Variants in USHBP1 observed in about 807,000 individuals in gnomAD.
The protein encoded by USHBP1 is USH1 protein network component harmonin binding protein 1, also known as harmonin-binding protein USHBP1.
Under a neutral mutation model 76.2 loss-of-function variants are expected in USHBP1, and 67 were observed. That is an observed-to-expected ratio of 0.88 (90% CI 0.72 to 1.08). The LOEUF is 1.08. Ranked by LOEUF, USHBP1 falls within the 50% of genes least tolerant of loss-of-function variation. The probability of loss-of-function intolerance (pLI) is 0.00; values close to 1 mark genes in which losing one functional copy is unlikely to be tolerated. For synonymous variants in USHBP1, 322 were observed against 362.2 expected (o/e 0.89, Z 1.26); for missense variants, 931 against 915.0 (o/e 1.02, Z -0.23).
At chr19:17,264,444 T>A (rs1456899321) in intron 1 of USHBP1, 97 bp from the exon 2 acceptor site, 15 of 955,902 alleles carry the variant, frequency 1.6e-5, no homozygotes, top group East Asian at 8.0e-5. Flanking sequence ...TGACTACCCC[T>A]CAGGAAGGGA....
rs187830721 is a variant in USHBP1, at chr19:17,253,928, C to A, written c.1692+1457G>T. Among the ~76,000 whole-genome samples, 1,093 of 150,584 alleles carry A rather than the reference C, an allele frequency of 7.3e-3. 18 individuals carry two copies. Among genetic ancestry groups the A allele is most frequent in the African/African-American group, 0.025 (1,031 of 41,032 alleles). Reference sequence around the variant, plus strand: ...AAAAAAAGAAAAAAAAAATTAAAGGCCAGGCGCTGTGGCTCATGGCTGTAA... The same window carrying A: ...AAAAAAAGAAAAAAAAAATTAAAGGACAGGCGCTGTGGCTCATGGCTGTAA... On this transcript the variant is annotated intron_variant, in intron 10 of 12. Transcript: ENST00000252597.
intron 8 of USHBP1, 86 bp from the exon 9 acceptor site, chr19:17,256,806 C>G: frequency 6.4e-7 from 1 of 1,572,144 alleles, no homozygotes; most frequent in East Asian, 2.2e-5. Context: ...GGTCCATCAC[C>G]TTCCATCTCA....
At chr19:17,260,170 T>C (rs765186683) in intron 4 of USHBP1, 148 bp from the exon 5 acceptor site, 182 of 1,111,240 alleles carry the variant, frequency 1.6e-4, no homozygotes, top group Non-Finnish European at 2.1e-4. Context: ...TCTCACTATC[T>C]GACCTTGGGA....
intron 7 of USHBP1, chr19:17,258,742 A>C: frequency 3.1e-6 from 1 of 323,720 alleles, no homozygotes; most frequent in Non-Finnish European, 5.9e-6. Context: ...AAAAAGAAAA[A>C]AAAATCCACT....
intron 4 of USHBP1, among the ~76,000 whole-genome samples, chr19:17,260,378 G>A (rs1221287082): frequency 6.6e-6 from 1 of 152,102 alleles, no homozygotes; most frequent in Admixed American, 6.5e-5. Context: ...TACCTAGGCT[G>A]GAGTGCAGTG....
chr19:17,253,767 G>A (rs575116205), intron 10 of USHBP1, among the ~76,000 whole-genome samples: 1 of 149,550 alleles, frequency 6.7e-6, no homozygotes, highest in East Asian at 2.0e-4. Flanking sequence ...GGTGGTGCAC[G>A]CCTGTAATTC....
At chr19:17,261,422 G>C (rs56902856) in intron 4 of USHBP1, among the ~76,000 whole-genome samples, 2 of 142,620 alleles carry the variant, frequency 1.4e-5, no homozygotes, top group African/African-American at 2.6e-5. Flanking sequence ...TGCAAGCTCC[G>C]CCTCCCGGGT....
At position 17,249,776 on chromosome 19, in the gene USHBP1, G is replaced by C. The variant is rs942574213; in HGVS notation, c.*449C>G. The C allele has an allele frequency of 1.7e-5, 3 of 178,046 alleles. No homozygotes were observed. The highest frequency in any genetic ancestry group is 5.9e-5 in the Admixed American group (1 of 17,020). The allele number at this position is 178,046 out of a possible 1,614,324, so 11.0% of individuals were successfully genotyped here. On this transcript the variant is annotated 3_prime_UTR_variant, in exon 13 of 13. Coordinates refer to ENST00000252597, the MANE Select transcript of USHBP1 (RefSeq NM_031941.4). ...GCTGGGATTACAGATGTGCACCACTGAGCCCGGCCCCCTTCAGGAAAATCT... is the reference window on the plus strand; with the variant it reads ...GCTGGGATTACAGATGTGCACCACTCAGCCCGGCCCCCTTCAGGAAAATCT...
In USHBP1 at chr19:17,260,001, G is replaced by A. The variant is rs2073669015; in HGVS notation, c.664C>T (p.Leu222Phe). 2.6e-5 allele frequency: 42 copies of A among 1,613,690 alleles called. No homozygotes were observed. Among genetic ancestry groups the A allele is most frequent in the Non-Finnish European group, 3.6e-5 (42 of 1,179,782 alleles). Residue 222 changes from leucine (L) to phenylalanine (F), a missense_variant, in exon 5 of 13, where the codon CTC becomes TTC. Coordinates refer to ENST00000252597, the MANE Select transcript of USHBP1 (RefSeq NM_031941.4). ...QKEVQELQDS[L>F]LRLEPCPHLS... ...TGTGGGCAGGGCTCCAGCCTCAAGA[G>A]GGAATCCTGCAGCTCTTGAACCTGG...
rs1243888229 is a variant in USHBP1 at position 17,256,517 on chromosome 19, G to A, written c.1424C>T (p.Pro475Leu). 18 of 1,613,942 alleles carry A rather than the reference G, an allele frequency of 1.1e-5. No individual in the cohort carries two copies. The highest frequency in any genetic ancestry group is 1.7e-5 in the Admixed American group (1 of 60,010). ...ILGTQAGPAL[P>L]RLEKTQIQQD... The stretch of plus-strand genomic sequence containing the variant: ...CTGAATTTGTGTCTTCTCCAGTCGG[G>A]GAAGAGCTGGGCCAGCCTGGGTCCC... Residue 475 changes from proline (P) to leucine (L), a missense_variant, in exon 9 of 13, where the codon CCC becomes CTC. Physicochemically the swap from Pro to Leu is moderately conservative, Grantham distance 98 (BLOSUM62 -3). Coordinates refer to ENST00000252597, the MANE Select transcript of USHBP1 (RefSeq NM_031941.4).
intron 4 of USHBP1, among the ~76,000 whole-genome samples, chr19:17,260,992 A>C (rs1054041666): frequency 2.0e-5 from 3 of 152,108 alleles, no homozygotes; most frequent in Non-Finnish European, 4.4e-5. Flanking sequence ...GTCTGGACCA[A>C]TGAAGTCGCC....
In USHBP1 at chr19:17,259,577, C is replaced by A; in HGVS notation, c.905+19G>T. On this transcript the variant is annotated intron_variant, in intron 6 of 12. Transcript: ENST00000252597. The stretch of plus-strand genomic sequence containing the variant: ...GGAGGTGCCTGTGCCCTTATGAGCT[C>A]AGCATTTGAGTCTCTTACCCCCGGA... 6.2e-7 allele frequency: 1 copy of A among 1,605,082 alleles called. No homozygotes were observed. The highest frequency in any genetic ancestry group is 2.2e-5 in the East Asian group (1 of 44,790).
intron 8 of USHBP1, 146 bp downstream of exon 8, chr19:17,258,066 T>C (rs1374589154): frequency 2.7e-6 from 3 of 1,110,222 alleles, no homozygotes; most frequent in Admixed American, 4.5e-5. Context: ...TTGAGCCTCA[T>C]GTCAACCAAC....
At chr19:17,257,204 T>G (rs1470876694) in intron 8 of USHBP1, among the ~76,000 whole-genome samples, 1 of 148,000 alleles carries the variant, frequency 6.8e-6, no homozygotes, top group Non-Finnish European at 1.5e-5. Flanking sequence ...TTTTTTTTTT[T>G]GGATTTTTAG....
chr19:17,257,639 T>C (rs1262018046), intron 8 of USHBP1, among the ~76,000 whole-genome samples: 3 of 115,482 alleles, frequency 2.6e-5, no homozygotes, highest in African/African-American at 7.2e-5. Context: ...TGAAACTCTG[T>C]CTCAAAAAAA....
At chr19:17,262,440 A>T in intron 4 of USHBP1, 112 bp downstream of exon 4, 1 of 1,269,352 alleles carries the variant, frequency 7.9e-7, no homozygotes, top group Non-Finnish European at 1.1e-6. Context: ...CAGCCACCAC[A>T]CCCAGCCTTA....
At chr19:17,252,940 C>A (rs2073570247) in intron 10 of USHBP1, among the ~76,000 whole-genome samples, 2 of 151,988 alleles carry the variant, frequency 1.3e-5, no homozygotes, top group African/African-American at 4.8e-5. Context: ...CACTGGAAGT[C>A]CTTCCTCCTG....
At chr19:17,261,777 T>C (rs901435279) in intron 4 of USHBP1, among the ~76,000 whole-genome samples, 2 of 149,692 alleles carry the variant, frequency 1.3e-5, no homozygotes, top group African/African-American at 4.9e-5. Context: ...AGCTGCAGAA[T>C]TGTGTCAAGC....
At chr19:17,253,411 C>G (rs2073578309) in intron 10 of USHBP1, among the ~76,000 whole-genome samples, 1 of 150,594 alleles carries the variant, frequency 6.6e-6, no homozygotes, top group Non-Finnish European at 1.5e-5. Flanking sequence ...GTCTCAGCCT[C>G]TGGAGTAGCT....
Sources: allele counts gnomAD v4.1 joint callset (sites outside exome capture counted in the v4.1 genomes callset), GRCh38; gene constraint gnomAD v4.1.1; transcripts MANE v1.5; gene names NCBI Gene and HGNC (gene_info 2026-07-23, HGNC 2026-07-21).